Variants in STAG1 observed in about 807,000 individuals in gnomAD.
STAG1 encodes the protein STAG1 cohesin complex component, also known as cohesin subunit SA-1.
In STAG1, 26 loss-of-function variants were observed where a neutral mutation model predicts 170.9. That is an observed-to-expected ratio of 0.15 (90% CI 0.11 to 0.21). The LOEUF (loss-of-function observed/expected upper bound fraction) is 0.21, where lower values mean the gene tolerates loss of function less well. STAG1 is among the 10% of genes least tolerant of loss of function. The pLI is 1.00. For missense variants in STAG1, 964 were observed against 1,509.5 expected (o/e 0.64, Z 5.99); for synonymous variants, 514 against 497.7 (o/e 1.03, Z -0.44).
At chr3:136,380,768 C>T (rs895837491) in intron 22 of STAG1, among the ~76,000 whole-genome samples, 22 of 151,702 alleles carry the variant, frequency 1.5e-4, no homozygotes, top group Admixed American at 2.0e-4. Flanking sequence ...GCCTGTAATC[C>T]GAGCACTTTG....
chr3:136,513,288 C>CAT (rs1231340594), intron 7 of STAG1, among the ~76,000 whole-genome samples: 1 of 151,654 alleles, frequency 6.6e-6, no homozygotes, highest in African/African-American at 2.4e-5. Flanking sequence ...ACCCAGGAGG[C>CAT]ATAGGTCATA....
At chr3:136,521,530 GA>G (rs1934670461) in intron 6 of STAG1, 113 bp from the exon 7 acceptor site, 4 of 767,876 alleles carry the variant, frequency 5.2e-6, no homozygotes, top group Non-Finnish European at 6.2e-6. Flanking sequence ...GTTATAGAAA[GA>G]AATAGGTGAC....
chr3:136,461,465 T>C (rs1345514058), intron 13 of STAG1, among the ~76,000 whole-genome samples: 1 of 151,838 alleles, frequency 6.6e-6, no homozygotes, highest in Non-Finnish European at 1.5e-5. Context: ...TAATAAATTC[T>C]GAAAAGTAGC....
chr3:136,684,917 A>T (rs1942461796), intron 1 of STAG1, among the ~76,000 whole-genome samples: 1 of 152,238 alleles, frequency 6.6e-6, no homozygotes, highest in Non-Finnish European at 1.5e-5. Flanking sequence ...AAAACTCTTA[A>T]GACAATAACA....
intron 6 of STAG1, among the ~76,000 whole-genome samples, chr3:136,526,525 C>A (rs1311590587): frequency 6.6e-6 from 1 of 152,204 alleles, no homozygotes; most frequent in Non-Finnish European, 1.5e-5. Context: ...ATACAGCACA[C>A]TGATGGGTCT....
intron 21 of STAG1, among the ~76,000 whole-genome samples, chr3:136,416,577 C>G (rs191930358): frequency 1.3e-5 from 2 of 152,184 alleles, no homozygotes; most frequent in Non-Finnish European, 2.9e-5. Context: ...TCTTAACTCT[C>G]TCATTCACTT....
intron 26 of STAG1, among the ~76,000 whole-genome samples, chr3:136,360,889 C>T (rs1353643413): frequency 6.6e-6 from 1 of 152,048 alleles, no homozygotes; most frequent in Admixed American, 6.6e-5. Flanking sequence ...AGGATGGTCT[C>T]GATCTCCTGA....
intron 1 of STAG1, among the ~76,000 whole-genome samples, chr3:136,640,906 C>G (rs1940772966): frequency 6.6e-6 from 1 of 152,160 alleles, no homozygotes; most frequent in South Asian, 2.1e-4. Flanking sequence ...AACTCCTCAC[C>G]TCAGGTGATC....
chr3:136,557,729 G>C (rs1936684745), intron 5 of STAG1, among the ~76,000 whole-genome samples: 1 of 152,080 alleles, frequency 6.6e-6, no homozygotes, highest in Admixed American at 6.5e-5. Context: ...AGTAGAAACA[G>C]TGTTTCACCA....
chr3:136,475,177 G>C (rs1339751272), intron 10 of STAG1, among the ~76,000 whole-genome samples: 2 of 103,506 alleles, frequency 1.9e-5, no homozygotes, highest in African/African-American at 7.8e-5. Flanking sequence ...GCAGAGTCTT[G>C]CTCTTGTCAC....
rs1405873854 is a variant in STAG1, at chr3:136,729,030, AGAGT to A, written c.-84+23161_-84+23164del. ...GGATTTCACTCCTATTGCCCAGGCGAGAGTGAAAGGCACGATCTTGGCTCACCGC... is the reference window on the plus strand; with the variant it reads ...GGATTTCACTCCTATTGCCCAGGCGAGAAAGGCACGATCTTGGCTCACCGC... On this transcript the variant is annotated intron_variant, in intron 1 of 33. Transcript: ENST00000383202. 3.3e-5 allele frequency among the ~76,000 whole-genome samples: 5 copies of A among 152,214 alleles called. No homozygotes were observed. In the East Asian group the frequency reaches 7.7e-4, roughly 23 times the overall value.
chr3:136,681,592 T>C (rs1158569333), intron 1 of STAG1, among the ~76,000 whole-genome samples: 1 of 152,192 alleles, frequency 6.6e-6, no homozygotes, highest in Non-Finnish European at 1.5e-5. Context: ...AAATTGGCAT[T>C]ACATTTTTTT....
At chr3:136,497,948 T>G (rs1933213867) in intron 9 of STAG1, among the ~76,000 whole-genome samples, 1 of 150,366 alleles carries the variant, frequency 6.7e-6, no homozygotes, top group Non-Finnish European at 1.5e-5. Flanking sequence ...ATCCCAGCAC[T>G]TTGGGAGGCC....
At chr3:136,509,088 A>G (rs1933922862) in intron 7 of STAG1, among the ~76,000 whole-genome samples, 1 of 152,246 alleles carries the variant, frequency 6.6e-6, no homozygotes, top group South Asian at 2.1e-4. Context: ...GTTCTTGAGA[A>G]GGTGAAAAGG....
intron 3 of STAG1, among the ~76,000 whole-genome samples, chr3:136,607,189 T>C (rs768774140): frequency 6.6e-6 from 1 of 152,176 alleles, no homozygotes; most frequent in East Asian, 1.9e-4. Flanking sequence ...ACTCTTTCCA[T>C]AGTGTACCCT....
chr3:136,395,412 CAGG>C (rs1021186012), intron 22 of STAG1, among the ~76,000 whole-genome samples: 2 of 152,084 alleles, frequency 1.3e-5, no homozygotes, highest in Non-Finnish European at 2.9e-5. Flanking sequence ...CACTTGAGGT[CAGG>C]AGTCCAAGAC....
chr3:136,523,687 G>A (rs1419735139), intron 6 of STAG1, among the ~76,000 whole-genome samples: 1 of 152,082 alleles, frequency 6.6e-6, no homozygotes, highest in Non-Finnish European at 1.5e-5. Flanking sequence ...TGTCCTGAGT[G>A]GTATTGCCTA....
intron 5 of STAG1, among the ~76,000 whole-genome samples, chr3:136,553,818 T>C (rs1936504962): frequency 6.6e-6 from 1 of 152,188 alleles, no homozygotes; most frequent in Non-Finnish European, 1.5e-5. Flanking sequence ...ACAAATTCTT[T>C]GGTATTCAAG....
intron 14 of STAG1, among the ~76,000 whole-genome samples, chr3:136,444,364 A>T (rs1465238059): frequency 6.6e-6 from 1 of 152,176 alleles, no homozygotes; most frequent in Admixed American, 6.6e-5. Context: ...GTGTGCCACC[A>T]TGCTGGGCCC....
Sources: allele counts gnomAD v4.1 joint callset (sites outside exome capture counted in the v4.1 genomes callset), GRCh38; gene constraint gnomAD v4.1.1; transcripts MANE v1.5; gene names NCBI Gene and HGNC (gene_info 2026-07-23, HGNC 2026-07-21).